CNKSR2: variants seen among roughly 807,000 people sequenced by gnomAD.
The protein encoded by CNKSR2 is connector enhancer of kinase suppressor of Ras 2.
Under a neutral mutation model 84.4 loss-of-function variants are expected in CNKSR2, and 14 were observed. That is an observed-to-expected ratio of 0.17 (90% CI 0.11 to 0.26). The LOEUF is 0.26. Ranked by LOEUF, CNKSR2 falls within the 10% of genes least tolerant of loss-of-function variation. The pLI is 1.00. For missense variants in CNKSR2, 485 were observed against 771.2 expected, an observed-to-expected ratio of 0.63 and a Z score of 4.40; for synonymous variants, 275 against 277.9, an observed-to-expected ratio of 0.99 and a Z score of 0.10.
At chrX:21,528,278 T>C (rs949987226) in intron 10 of CNKSR2, among the ~76,000 whole-genome samples, 2 of 111,436 alleles carry the variant, frequency 1.8e-5, no homozygotes, top group Admixed American at 1.9e-4. Context: ...AATGAAAGTA[T>C]GTGTGTTCCA....
At chrX:21,607,318 A>G (rs2092523285) in intron 19 of CNKSR2, among the ~76,000 whole-genome samples, 1 of 111,585 alleles carries the variant, frequency 9.0e-6, no homozygotes. Flanking sequence ...TTCAGCAGCC[A>G]TGGGACCTGG....
chrX:21,641,902 G>A, intron 20 of CNKSR2: 1 of 813,860 alleles, frequency 1.2e-6, no homozygotes, highest in Non-Finnish European at 1.5e-6. Context: ...TGCGGTTTCT[G>A]TGGGAGAACA....
chrX:21,638,397 GA>G (rs2092680824), intron 20 of CNKSR2, among the ~76,000 whole-genome samples: 1 of 112,028 alleles, frequency 8.9e-6, no homozygotes, highest in Non-Finnish European at 1.9e-5. Flanking sequence ...AAAAGAGAAA[GA>G]AACATCCTCC....
intron 20 of CNKSR2, among the ~76,000 whole-genome samples, chrX:21,639,364 C>T (rs1052862445): frequency 7.2e-5 from 8 of 111,690 alleles, no homozygotes; most frequent in Non-Finnish European, 1.3e-4. Context: ...CCACCTGGCT[C>T]GCCAGTACAC....
intron 17 of CNKSR2, among the ~76,000 whole-genome samples, chrX:21,600,211 G>A (rs927666653): frequency 8.9e-6 from 1 of 112,203 alleles, no homozygotes; most frequent in African/African-American, 3.2e-5. Context: ...CTGATGCACA[G>A]TTAACACCAT....
chrX:21,562,304 A>G (rs2147188853), intron 12 of CNKSR2, among the ~76,000 whole-genome samples: 1 of 111,321 alleles, frequency 9.0e-6, no homozygotes, highest in Non-Finnish European at 1.9e-5. Context: ...AAACAAATCA[A>G]AACAAAAAAC....
intron 6 of CNKSR2, among the ~76,000 whole-genome samples, chrX:21,496,094 A>G (rs942571803): frequency 9.0e-6 from 1 of 111,179 alleles, no homozygotes; most frequent in Non-Finnish European, 1.9e-5. Flanking sequence ...GTATCTAAAC[A>G]TATCTAAACA....
At chrX:21,621,903 T>C (rs1313386880) in intron 20 of CNKSR2, among the ~76,000 whole-genome samples, 1 of 111,552 alleles carries the variant, frequency 9.0e-6, no homozygotes, top group Non-Finnish European at 1.9e-5. Flanking sequence ...TATATTTATA[T>C]CAGGTTTATC....
At chrX:21,451,755 G>A (rs1299727594) in intron 4 of CNKSR2, among the ~76,000 whole-genome samples, 5 of 105,281 alleles carry the variant, frequency 4.7e-5, no homozygotes, top group Admixed American at 1.0e-4. Flanking sequence ...GCTAAATGAC[G>A]AGTTAATGGG....
intron 4 of CNKSR2, among the ~76,000 whole-genome samples, chrX:21,462,783 A>G (rs1194991934): frequency 1.9e-5 from 2 of 102,778 alleles, no homozygotes; most frequent in Non-Finnish European, 2.0e-5. Context: ...ACGTGATCTC[A>G]GCTCACTGCA....
At chrX:21,412,250 C>G (rs1224530102) in intron 1 of CNKSR2, among the ~76,000 whole-genome samples, 1 of 111,997 alleles carries the variant, frequency 8.9e-6, no homozygotes, top group African/African-American at 3.2e-5. Flanking sequence ...TTACCACTTC[C>G]TCTTACCTCC....
intron 11 of CNKSR2, among the ~76,000 whole-genome samples, chrX:21,540,036 G>A (rs1374276006): frequency 8.9e-6 from 1 of 111,812 alleles, no homozygotes; most frequent in Non-Finnish European, 1.9e-5. Flanking sequence ...TATACATAAA[G>A]TCAGCCAGCC....
At chrX:21,619,095 T>A (rs2092590600) in intron 20 of CNKSR2, among the ~76,000 whole-genome samples, 1 of 112,178 alleles carries the variant, frequency 8.9e-6, no homozygotes. Flanking sequence ...TTTATAAGAC[T>A]AGTTAAAATC....
At chrX:21,475,621 T>C (rs11094807) in intron 5 of CNKSR2, among the ~76,000 whole-genome samples, 19,513 of 110,840 alleles carry the variant, frequency 0.18, 4,162 homozygotes, top group African/African-American at 0.6. Context: ...ATAGAGATTA[T>C]AGTAGCTTGA....
Position 21,464,005 on chromosome X carries a change from G to A in CNKSR2, c.520-6761G>A, listed in dbSNP as rs1287054587. On this transcript the variant is annotated intron_variant, in intron 4 of 21. Coordinates refer to ENST00000379510, the MANE Select transcript of CNKSR2 (RefSeq NM_014927.5). ...CGCCCCCCTAGTCCACTGTCTCTGG[G>A]CCCAGCTTAGCACTAGGACTTGCCT... Among the ~76,000 whole-genome samples, 3 of 111,809 alleles carry A rather than the reference G, an allele frequency of 2.7e-5. No homozygotes were observed. In the East Asian group the frequency reaches 8.5e-4, roughly 32 times the overall value.
intron 1 of CNKSR2, among the ~76,000 whole-genome samples, chrX:21,405,232 GTTAAT>G (rs1484156350): frequency 9.0e-6 from 1 of 111,421 alleles, no homozygotes; most frequent in Non-Finnish European, 1.9e-5. Context: ...GAATTTATAG[GTTAAT>G]TTAGAGAAAA....
chrX:21,651,975 A>C (rs1310361085), intron 21 of CNKSR2, among the ~76,000 whole-genome samples: 3 of 112,469 alleles, frequency 2.7e-5, no homozygotes, highest in Non-Finnish European at 3.8e-5. Flanking sequence ...AGGGGCATAA[A>C]TGAGGGAGAA....
At chrX:21,411,242 C>A (rs2090341469) in intron 1 of CNKSR2, among the ~76,000 whole-genome samples, 1 of 110,753 alleles carries the variant, frequency 9.0e-6, no homozygotes, top group Admixed American at 9.7e-5. Context: ...GGATATAGTT[C>A]TAAATAATGT....
chrX:21,577,322 T>A (rs2092325422), intron 13 of CNKSR2, among the ~76,000 whole-genome samples: 1 of 110,856 alleles, frequency 9.0e-6, no homozygotes, highest in Non-Finnish European at 1.9e-5. Context: ...AACACAAAAT[T>A]TGGCTCAATT....
Sources: allele counts gnomAD v4.1 joint callset (sites outside exome capture counted in the v4.1 genomes callset), GRCh38; gene constraint gnomAD v4.1.1; transcripts MANE v1.5; gene names NCBI Gene and HGNC (gene_info 2026-07-23, HGNC 2026-07-21).